The following ARGLU1 variants were observed in gnomAD, a reference collection of about 807,000 sequenced individuals.
The protein encoded by ARGLU1 is arginine and glutamate rich 1.
Under a neutral mutation model 37.6 loss-of-function variants are expected in ARGLU1, and 9 were observed. The ratio of observed to expected loss-of-function variants is 0.24; its 90% CI spans 0.14 to 0.42. The LOEUF (loss-of-function observed/expected upper bound fraction) is 0.42, where lower values mean the gene tolerates loss of function less well. Ranked by LOEUF, ARGLU1 falls within the 10% of genes least tolerant of loss-of-function variation. The probability of loss-of-function intolerance (pLI) is 1.00; values close to 1 mark genes in which losing one functional copy is unlikely to be tolerated. For missense variants in ARGLU1, 211 were observed against 359.2 expected (o/e 0.59, Z 3.34); for synonymous variants, 166 against 138.5 (o/e 1.20, Z -1.39).
chr13:106,562,728 A>G (rs1411627399), intron 1 of ARGLU1, among the ~76,000 whole-genome samples: 1 of 152,098 alleles, frequency 6.6e-6, no homozygotes, highest in East Asian at 1.9e-4. Flanking sequence ...GCGGTGGCTC[A>G]CGCCTGTAAT....
chr13:106,544,717 A>G (rs1363664605), intron 3 of ARGLU1, among the ~76,000 whole-genome samples: 1 of 152,196 alleles, frequency 6.6e-6, no homozygotes, highest in Non-Finnish European at 1.5e-5. Flanking sequence ...AAAAACAGAA[A>G]CATAGGAAAA....
chr13:106,554,519 A>AT (rs1222830334), intron 3 of ARGLU1, among the ~76,000 whole-genome samples: 1 of 152,156 alleles, frequency 6.6e-6, no homozygotes, highest in Non-Finnish European at 1.5e-5. Context: ...ATCTTTATAC[A>AT]TTTTTTGTCT....
Position 106,567,199 on chromosome 13 carries a change from C to T in ARGLU1, c.347+374G>A, listed in dbSNP as rs1201609861. 6.6e-6 allele frequency among the ~76,000 whole-genome samples: 1 copy of T among 152,104 alleles called. No individual in the cohort carries two copies. Among genetic ancestry groups the T allele is most frequent in the Non-Finnish European group, 1.5e-5 (1 of 68,034 alleles). The stretch of plus-strand genomic sequence containing the variant: ...CAAGCCGACCAGCAAACGCTCACCA[C>T]CCTCCACATCTGCAGGCCGGCTCGC... On this transcript the variant is annotated intron_variant, in intron 1 of 3. Transcript: ENST00000400198. The surrounding 1 kb of genome is among the most constrained non-coding windows in gnomAD (Gnocchi z 4.3).
In ARGLU1 at chr13:106,568,103, C is replaced by T. The variant is rs533129113; in HGVS notation, c.-184G>A. ...CACGAAGGCCGCCTCCAACGAGAAA[C>T]CCGTAGCGCCAGGCGCCCCTAAGAT... On this transcript the variant is annotated 5_prime_UTR_variant, in exon 1 of 4. Transcript: ENST00000400198. The T allele has an allele frequency of 3.2e-6, 3 of 924,494 alleles. No individual in the cohort carries two copies. The highest frequency in any genetic ancestry group is 3.8e-5 in the Admixed American group (1 of 26,466). 57.3% of individuals were successfully genotyped at this position (924,494 alleles called of 1,614,324 possible).
chr13:106,563,644 TAATA>T (rs984496306), intron 1 of ARGLU1, among the ~76,000 whole-genome samples: 1 of 152,240 alleles, frequency 6.6e-6, no homozygotes, highest in South Asian at 2.1e-4. Flanking sequence ...TCTACAAAAA[TAATA>T]AATAAATAAA....
intron 3 of ARGLU1, among the ~76,000 whole-genome samples, chr13:106,556,038 T>C (rs535265656): frequency 1.3e-5 from 2 of 152,322 alleles, no homozygotes; most frequent in South Asian, 4.1e-4. Context: ...TTCCCTCTTC[T>C]TCCTATCTGC....
At chr13:106,548,896 G>A (rs1003492718) in intron 3 of ARGLU1, among the ~76,000 whole-genome samples, 10 of 152,040 alleles carry the variant, frequency 6.6e-5, no homozygotes, top group South Asian at 2.1e-4. Flanking sequence ...CTACAGGTGC[G>A]TGCCACAACG....
intron 3 of ARGLU1, among the ~76,000 whole-genome samples, chr13:106,547,754 G>A (rs911678730): frequency 2.7e-5 from 4 of 147,116 alleles, no homozygotes; most frequent in African/African-American, 7.6e-5. Flanking sequence ...TTTTGGAGAC[G>A]GGGTTGGGAA....
At chr13:106,554,902 A>G (rs1880624192) in intron 3 of ARGLU1, among the ~76,000 whole-genome samples, 1 of 152,072 alleles carries the variant, frequency 6.6e-6, no homozygotes. Context: ...AAAAAAAAAA[A>G]AATTTCTCCA....
At chr13:106,546,162 T>A (rs980945451) in intron 3 of ARGLU1, among the ~76,000 whole-genome samples, 9 of 152,202 alleles carry the variant, frequency 5.9e-5, no homozygotes, top group Non-Finnish European at 1.2e-4. Context: ...TAGGGCCACA[T>A]ATCTTTTGTA....
chr13:106,541,961 T>C lies in ARGLU1; in HGVS notation c.*2035A>G, dbSNP rs1286759858. ...AGCACATTAAAGACTGGATGGTGTA[T>C]ATTATTCACAATTACATCCTCTTTC... On this transcript the variant is annotated 3_prime_UTR_variant, in exon 4 of 4. Transcript: ENST00000400198. The C allele has an allele frequency of 6.6e-6, 1 of 152,096 alleles. No homozygotes were observed. The highest frequency in any genetic ancestry group is 1.5e-5 in the Non-Finnish European group (1 of 68,018). The allele number at this position is 152,096 out of a possible 1,614,324, so 9.4% of individuals were successfully genotyped here.
intron 1 of ARGLU1, among the ~76,000 whole-genome samples, chr13:106,564,897 T>TA (rs1483434337): frequency 6.6e-6 from 1 of 152,230 alleles, no homozygotes; most frequent in Non-Finnish European, 1.5e-5. Context: ...ACATGGTTGT[T>TA]ACTGAAACAT....
At chr13:106,564,171 G>A (rs1234795775) in intron 1 of ARGLU1, among the ~76,000 whole-genome samples, 1 of 152,136 alleles carries the variant, frequency 6.6e-6, no homozygotes, top group Non-Finnish European at 1.5e-5. Context: ...CTTTAAAAAT[G>A]TAAAGGCCTA....
At chr13:106,551,684 T>C (rs1313560632) in intron 3 of ARGLU1, among the ~76,000 whole-genome samples, 2 of 152,178 alleles carry the variant, frequency 1.3e-5, no homozygotes, top group Non-Finnish European at 2.9e-5. Flanking sequence ...CAGAAGGGTG[T>C]CCATTCTCCT....
intron 2 of ARGLU1, chr13:106,558,994 G>C (rs976502839): frequency 5.4e-5 from 53 of 985,296 alleles, no homozygotes; most frequent in Non-Finnish European, 6.4e-5. Flanking sequence ...CTCAATGTTA[G>C]GCCCTGCTCT....
At chr13:106,549,431 T>C (rs748750571) in intron 3 of ARGLU1, among the ~76,000 whole-genome samples, 1 of 152,186 alleles carries the variant, frequency 6.6e-6, no homozygotes, top group Non-Finnish European at 1.5e-5. Flanking sequence ...ATATCCCACT[T>C]TAGATAACCA....
intron 1 of ARGLU1, among the ~76,000 whole-genome samples, chr13:106,566,459 T>TA (rs1880966150): frequency 6.6e-6 from 1 of 152,242 alleles, no homozygotes; most frequent in Non-Finnish European, 1.5e-5. Context: ...GAGCACTTTC[T>TA]AAATATTCAC....
chr13:106,552,901 G>T (rs1880566633), intron 3 of ARGLU1, among the ~76,000 whole-genome samples: 1 of 151,964 alleles, frequency 6.6e-6, no homozygotes. Flanking sequence ...AAATATCTTG[G>T]TACACAATGT....
In ARGLU1 at chr13:106,558,162, A is replaced by G. The variant is rs902010611; in HGVS notation, c.574-1031T>C. ...AATATGAAACAAAAAAAGCAAATGA[A>G]GAGAAAAAAATCTTACTATGATTAA... On this transcript the variant is annotated intron_variant, in intron 2 of 3. Coordinates refer to ENST00000400198, the MANE Select transcript of ARGLU1 (RefSeq NM_018011.4). 4 of 985,130 alleles carry G rather than the reference A, an allele frequency of 4.1e-6. No homozygotes were observed. The African/African-American group carries it at 7.0e-5, about 17-fold the overall frequency. 61.0% of individuals were successfully genotyped at this position (985,130 alleles called of 1,614,324 possible). A position where few individuals can be genotyped will look rare whatever the true frequency, so the allele number is the denominator to read the frequency against.
Sources: allele counts gnomAD v4.1 joint callset (sites outside exome capture counted in the v4.1 genomes callset), GRCh38; gene constraint gnomAD v4.1.1; non-coding constraint Gnocchi (gnomAD v3.1); transcripts MANE v1.5; gene names NCBI Gene and HGNC (gene_info 2026-07-23, HGNC 2026-07-21).